The following TANC2 variants were observed in gnomAD, a reference collection of about 807,000 sequenced individuals.
The protein encoded by TANC2 is tetratricopeptide repeat, ankyrin repeat and coiled-coil containing 2, also known as protein TANC2.
TANC2 carries 26 observed loss-of-function variants against 210.5 expected under a neutral mutation model. That is an observed-to-expected ratio of 0.12 (90% confidence interval 0.09 to 0.17). The LOEUF is 0.17. TANC2 is among the 10% of genes least tolerant of loss of function. The pLI is 1.00. For synonymous variants in TANC2, 931 were observed against 967.1 expected, an observed-to-expected ratio of 0.96 and a Z score of 0.69; for missense variants, 2,129 against 2,608.9, an observed-to-expected ratio of 0.82 and a Z score of 4.01.
intron 8 of TANC2, among the ~76,000 whole-genome samples, chr17:63,261,249 A>G (rs566268823): frequency 6.6e-6 from 1 of 152,128 alleles, no homozygotes; most frequent in South Asian, 2.1e-4. Flanking sequence ...TATCTCAAAA[A>G]AGAAAAAAAA....
intron 14 of TANC2, among the ~76,000 whole-genome samples, chr17:63,378,152 G>A (rs555807603): frequency 6.6e-6 from 1 of 152,138 alleles, no homozygotes; most frequent in East Asian, 1.9e-4. Flanking sequence ...ATAACAAATG[G>A]GGTAAGAAAA....
chr17:63,198,494 C>A (rs909267890), intron 6 of TANC2, among the ~76,000 whole-genome samples: 11 of 152,134 alleles, frequency 7.2e-5, no homozygotes, highest in African/African-American at 2.7e-4. Context: ...CCATGCTGGG[C>A]CTAAAACTTT....
intron 9 of TANC2, among the ~76,000 whole-genome samples, chr17:63,306,444 CAAAT>C (rs1488106599): frequency 6.6e-6 from 1 of 152,164 alleles, no homozygotes; most frequent in East Asian, 1.9e-4. Context: ...ATTCATTCAA[CAAAT>C]ATTTACTGAG....
At chr17:63,050,254 G>C (rs1403270104) in intron 2 of TANC2, among the ~76,000 whole-genome samples, 1 of 151,872 alleles carries the variant, frequency 6.6e-6, no homozygotes, top group Non-Finnish European at 1.5e-5. Flanking sequence ...CTACTCAGGA[G>C]GCTGAGGTGG....
At chr17:63,004,846 C>G (rs2033544370) in intron 1 of TANC2, 1 of 314,028 alleles carries the variant, frequency 3.2e-6, no homozygotes, top group Non-Finnish European at 6.2e-6. Context: ...TGGCTTTGGC[C>G]CTGGTTTTAG....
intron 4 of TANC2, among the ~76,000 whole-genome samples, chr17:63,129,597 CACACCT>C (rs2038843881): frequency 1.3e-5 from 2 of 152,054 alleles, no homozygotes; most frequent in African/African-American, 4.8e-5. Context: ...TGTGGTGGTG[CACACCT>C]GTAGTCCCAG....
chr17:63,200,856 C>T lies in TANC2; in HGVS notation c.668C>T (p.Thr223Ile). The change falls in exon 7 of 28, where the codon ACA becomes ATA. Residue 223 changes from threonine to isoleucine, a missense_variant. Coordinates refer to ENST00000689528, the Ensembl canonical transcript of TANC2. ...CCACCAGCCAGTAGCCCCTGCTCTACACTCCCACCCATCAGTACAAATGCA... is the reference window on the plus strand; with the variant it reads ...CCACCAGCCAGTAGCCCCTGCTCTATACTCCCACCCATCAGTACAAATGCA... 1 of 1,613,916 alleles carries T rather than the reference C, an allele frequency of 6.2e-7. No individual in the cohort carries two copies. Among genetic ancestry groups the T allele is most frequent in the African/African-American group, 1.3e-5 (1 of 75,038 alleles).
chr17:62,991,693 T>C (rs377371487), intron 1 of TANC2, among the ~76,000 whole-genome samples: 2 of 150,002 alleles, frequency 1.3e-5, no homozygotes, highest in East Asian at 3.9e-4. Context: ...ATAATACAAA[T>C]AAATATAGTA....
At chr17:63,235,888 CA>C (rs2042607674) in intron 7 of TANC2, among the ~76,000 whole-genome samples, 1 of 151,948 alleles carries the variant, frequency 6.6e-6, no homozygotes, top group Admixed American at 6.6e-5. Flanking sequence ...TCATTTCTAG[CA>C]TTAATTAAAA....
chr17:63,106,952 G>A (rs73991886), intron 4 of TANC2, among the ~76,000 whole-genome samples: 8,826 of 151,420 alleles, frequency 0.058, 565 homozygotes, highest in African/African-American at 0.12. Flanking sequence ...AAATATAGTA[G>A]CCTTGTCTTC....
At chr17:63,291,034 G>T (rs1388110082) in intron 9 of TANC2, among the ~76,000 whole-genome samples, 1 of 151,798 alleles carries the variant, frequency 6.6e-6, no homozygotes, top group African/African-American at 2.4e-5. Flanking sequence ...AATTCATACT[G>T]TCCTCTCTAA....
intron 13 of TANC2, among the ~76,000 whole-genome samples, chr17:63,353,105 C>T (rs567169329): frequency 8.6e-5 from 13 of 151,984 alleles, no homozygotes; most frequent in Non-Finnish European, 1.5e-4. Flanking sequence ...GTCAACTGGC[C>T]GTCTACATAA....
chr17:63,214,931 T>C (rs570910991), intron 7 of TANC2, among the ~76,000 whole-genome samples: 1 of 152,224 alleles, frequency 6.6e-6, no homozygotes, highest in African/African-American at 2.4e-5. Flanking sequence ...ATCCAGTCCT[T>C]CAAGTTGGTA....
At chr17:63,008,375 T>G (rs975825149) in intron 1 of TANC2, among the ~76,000 whole-genome samples, 17 of 152,204 alleles carry the variant, frequency 1.1e-4, no homozygotes, top group African/African-American at 4.1e-4. Flanking sequence ...ATTTTTTGTC[T>G]TTATCTCTCT....
intron 5 of TANC2, among the ~76,000 whole-genome samples, chr17:63,183,053 TGAG>T (rs1296528041): frequency 7.0e-6 from 1 of 142,590 alleles, no homozygotes; most frequent in African/African-American, 2.8e-5. Context: ...AATTTATTGA[TGAG>T]GCCACATAAT....
chr17:62,976,455 G>T (rs1416158504), intron 1 of TANC2, among the ~76,000 whole-genome samples: 38 of 140,188 alleles, frequency 2.7e-4, no homozygotes, highest in East Asian at 6.2e-4. Flanking sequence ...GGTTTGTCTG[G>T]TTTTTTTTTT....
At chr17:63,028,612 C>T (rs989620700) in intron 2 of TANC2, among the ~76,000 whole-genome samples, 1 of 152,124 alleles carries the variant, frequency 6.6e-6, no homozygotes, top group Non-Finnish European at 1.5e-5. Flanking sequence ...TCTCCAGGTA[C>T]AGGAAGGACA....
intron 11 of TANC2, among the ~76,000 whole-genome samples, chr17:63,324,090 C>T (rs533941381): frequency 2.0e-5 from 3 of 152,290 alleles, no homozygotes; most frequent in Non-Finnish European, 4.4e-5. Context: ...TACTTTCAGT[C>T]ATTTTGCTGA....
chr17:63,076,328 A>C (rs2036571195), intron 3 of TANC2, among the ~76,000 whole-genome samples: 1 of 152,164 alleles, frequency 6.6e-6, no homozygotes, highest in Admixed American at 6.5e-5. Flanking sequence ...GACCTTAGAT[A>C]TCTCTCTCCT....
Sources: gnomAD v4.1 joint callset for allele counts (sites outside exome capture counted in the v4.1 genomes callset) on GRCh38, gnomAD v4.1.1 for gene constraint, MANE v1.5 for transcripts, NCBI Gene and HGNC (gene_info 2026-07-23, HGNC 2026-07-21) for gene names.